The following PLCXD1 variants were observed in gnomAD, a reference collection of about 807,000 sequenced individuals.
The protein encoded by PLCXD1 is PI-PLC X domain-containing protein 1.
PLCXD1 carries 45 observed loss-of-function variants against 37.8 expected under a neutral mutation model. The observed-to-expected ratio is 1.19, with a 90% CI of 0.94 to 1.53. The LOEUF (loss-of-function observed/expected upper bound fraction) is 1.53, where lower values mean the gene tolerates loss of function less well. Among genes scored for constraint, PLCXD1 ranks in the 40% most tolerant of loss-of-function variants. The probability of loss-of-function intolerance (pLI) is 0.00; values close to 1 mark genes in which losing one functional copy is unlikely to be tolerated. For missense variants in PLCXD1, 539 were observed against 454.7 expected (o/e 1.19, Z -1.69); for synonymous variants, 246 against 206.9 (o/e 1.19, Z -1.62).
upstream of PLCXD1, among the ~76,000 whole-genome samples, chrX:278,204 A>C (rs190803885): frequency 8.1e-6 from 1 of 122,750 alleles, no homozygotes. Flanking sequence ...AGGAGGGGAC[A>C]CCCCTCAGTG....
At chrX:286,159 G>C (rs1014256590) in intron 2 of PLCXD1, among the ~76,000 whole-genome samples, 1 of 151,930 alleles carries the variant, frequency 6.6e-6, no homozygotes, top group Non-Finnish European at 1.5e-5. Context: ...CTGCCTCCTG[G>C]GTTCAAGCGA....
At chrX:289,190 C>T (rs754305723) in intron 3 of PLCXD1, among the ~76,000 whole-genome samples, 15 of 152,172 alleles carry the variant, frequency 9.9e-5, no homozygotes, top group South Asian at 2.1e-4. Context: ...TGGGTTCAAG[C>T]GATTCTCCTG....
intron 4 of PLCXD1, 78 bp downstream of exon 4, chrX:290,854 G>C (rs2069610335): frequency 8.9e-7 from 1 of 1,124,142 alleles, no homozygotes; most frequent in Admixed American, 2.3e-5. Flanking sequence ...GCCGGGCTGA[G>C]GTGGGAAGCA....
Position 284,397 on chromosome X carries a change from C to T in PLCXD1, c.127+83C>T. On this transcript the variant is annotated intron_variant, in intron 2 of 6. Transcript: ENST00000381657. ...GCGGGAGCTGTGGCGTCTGCATTCC[C>T]CAGTGGGGACGCTGGCTGTAGGAGC... 7.4e-6 allele frequency: 11 copies of T among 1,495,186 alleles called. No individual in the cohort carries two copies. In the South Asian group the frequency reaches 1.0e-4, roughly 14 times the overall value. 92.6% of individuals were successfully genotyped at this position (1,495,186 alleles called of 1,614,324 possible).
chrX:287,952 C>G (rs2069510131), intron 2 of PLCXD1, among the ~76,000 whole-genome samples: 1 of 152,000 alleles, frequency 6.6e-6, no homozygotes. Flanking sequence ...AATCTGAAGT[C>G]AAGATATGGG....
rs772984870 is a variant in PLCXD1, at chrX:300,496, G to GTA, written c.*1167_*1168dup. ...TGTGTGTGTATATGTGTGTATGTGTGTATATATGTATATGTGTGCATATGT... is the reference window on the plus strand; with the variant it reads ...TGTGTGTGTATATGTGTGTATGTGTGTATATATATGTATATGTGTGCATATGT... On this transcript the variant is annotated 3_prime_UTR_variant, in exon 7 of 7. Transcript: ENST00000381657. The GTA allele has an allele frequency of 2.2e-5, 3 of 136,236 alleles. No individual in the cohort carries two copies. Among genetic ancestry groups the GTA allele is most frequent in the African/African-American group, 9.1e-5 (3 of 32,908 alleles). The allele number at this position is 136,236 out of a possible 1,614,324, so 8.4% of individuals were successfully genotyped here.
chrX:293,254 C>T, intron 6 of PLCXD1, 36 bp downstream of exon 6: 1 of 1,545,090 alleles, frequency 6.5e-7, no homozygotes, highest in Non-Finnish European at 8.9e-7. Flanking sequence ...AGATTCCACA[C>T]AGCCTCCCGT....
intron 2 of PLCXD1, among the ~76,000 whole-genome samples, chrX:286,676 AGTTTTGTAACGCTTTTTCATACAAC>A: frequency 6.6e-6 from 1 of 152,122 alleles, no homozygotes. Flanking sequence ...CAGAACAGAA[AGTTTTGTAACGCTTTTTCATACAAC>A]GTCTGGCATT....
chrX:295,177 A>G (rs2124387474), intron 6 of PLCXD1, among the ~76,000 whole-genome samples: 1 of 152,132 alleles, frequency 6.6e-6, no homozygotes, highest in East Asian at 1.9e-4. Context: ...TTGGGAAAAA[A>G]AAAAAAAGGT....
At position 284,388 on chromosome X, in the gene PLCXD1, C is replaced by G. The variant is rs1337587731; in HGVS notation, c.127+74C>G. Reference sequence around the variant, plus strand: ...CAGGGTGGGGCGGGAGCTGTGGCGTCTGCATTCCCCAGTGGGGACGCTGGC... The same window carrying G: ...CAGGGTGGGGCGGGAGCTGTGGCGTGTGCATTCCCCAGTGGGGACGCTGGC... On this transcript the variant is annotated intron_variant, in intron 2 of 6. Coordinates refer to ENST00000381657, the MANE Select transcript of PLCXD1 (RefSeq NM_018390.4). 8 of 1,555,908 alleles carry G rather than the reference C, an allele frequency of 5.1e-6. No homozygotes were observed. The African/African-American group carries it at 9.5e-5, about 18-fold the overall frequency.
chrX:278,106 ATGGGGACAGGTG>A (rs1029549709), upstream of PLCXD1, among the ~76,000 whole-genome samples: 33 of 98,192 alleles, frequency 3.4e-4, no homozygotes, highest in African/African-American at 1.6e-3. Context: ...TCAGGAGGAC[ATGGGGACAGGTG>A]TGGGGACAGG....
At chrX:286,783 A>G (rs758237115) in intron 2 of PLCXD1, among the ~76,000 whole-genome samples, 1 of 152,240 alleles carries the variant, frequency 6.6e-6, no homozygotes, top group East Asian at 1.9e-4. Context: ...GGTGGTGCCA[A>G]GGTTGTCTGG....
At chrX:292,567 C>A (rs1468830838) in intron 5 of PLCXD1, among the ~76,000 whole-genome samples, 2 of 152,142 alleles carry the variant, frequency 1.3e-5, no homozygotes, top group Non-Finnish European at 2.9e-5. Context: ...CGTGTCCTCC[C>A]AAAGTGCTGG....
At chrX:293,390 G>A (rs755856182) in intron 6 of PLCXD1, among the ~76,000 whole-genome samples, 172 bp downstream of exon 6, 13 of 152,348 alleles carry the variant, frequency 8.5e-5, no homozygotes, top group African/African-American at 2.6e-4. Flanking sequence ...TCGGGAGGCC[G>A]AGGCGGGTGG....
At chrX:291,293 C>T (rs779977009) in intron 4 of PLCXD1, among the ~76,000 whole-genome samples, 7 of 152,110 alleles carry the variant, frequency 4.6e-5, no homozygotes, top group African/African-American at 1.7e-4. Context: ...TTACAGACGC[C>T]GGACACCACG....
In PLCXD1 at chrX:301,257, C is replaced by G. The variant is rs1198445022; in HGVS notation, c.*1922C>G. 6.6e-6 allele frequency: 1 copy of G among 152,170 alleles called. No homozygotes were observed. Among genetic ancestry groups the G allele is most frequent in the Non-Finnish European group, 1.5e-5 (1 of 68,078 alleles). 9.4% of individuals were successfully genotyped at this position (152,170 alleles called of 1,614,324 possible). A position where few individuals can be genotyped will look rare whatever the true frequency, so the allele number is the denominator to read the frequency against. ...AATTCCTGGGCTCCAGTGATCCTCC[C>G]ACCTTAGCTTCCAGAGTGGCCAGGA... On this transcript the variant is annotated 3_prime_UTR_variant, in exon 7 of 7. Coordinates refer to ENST00000381657, the MANE Select transcript of PLCXD1 (RefSeq NM_018390.4).
rs2069606769 is a variant in PLCXD1 at position 290,788 on chromosome X, C to T, written c.393+12C>T. 1.9e-6 allele frequency: 3 copies of T among 1,610,888 alleles called. No individual in the cohort carries two copies. Among genetic ancestry groups the T allele is most frequent in the Non-Finnish European group, 2.5e-6 (3 of 1,178,480 alleles). ...CGGCGCTGGTGGAGGTGCGGCCGGG[C>T]TGAGGTGGGACGCAATGGGGAGAGT... On this transcript the variant is annotated intron_variant, in intron 4 of 6. Coordinates refer to ENST00000381657, the MANE Select transcript of PLCXD1 (RefSeq NM_018390.4).
At chrX:283,647 C>G (rs1489753825) in intron 1 of PLCXD1, 1 of 122,294 alleles carries the variant, frequency 8.2e-6, no homozygotes, top group Non-Finnish European at 1.7e-5. Flanking sequence ...TGGGGGCGGC[C>G]TTGGTGTCAG....
upstream of PLCXD1, among the ~76,000 whole-genome samples, chrX:280,354 AAG>A (rs1424247300): frequency 1.8e-5 from 1 of 56,114 alleles, no homozygotes; most frequent in Non-Finnish European, 3.3e-5. Context: ...GTGCAGGGGG[AAG>A]GGGGGCCGTG....
Sources: gnomAD v4.1 joint callset for allele counts (sites outside exome capture counted in the v4.1 genomes callset) on GRCh38, gnomAD v4.1.1 for gene constraint, MANE v1.5 for transcripts, NCBI Gene and HGNC (gene_info 2026-07-23, HGNC 2026-07-21) for gene names.